The following CNTN1 variants were observed in gnomAD, a reference collection of about 807,000 sequenced individuals.
The protein encoded by CNTN1 is contactin-1.
A neutral mutation model predicts 126.4 loss-of-function variants in CNTN1; 38 were observed. The observed-to-expected ratio is 0.30, with a 90% CI of 0.23 to 0.39. The LOEUF is 0.39. Among genes scored for constraint, CNTN1 ranks in the 10% least tolerant of loss-of-function variants. The pLI is 1.00. For synonymous variants in CNTN1, 413 were observed against 422.6 expected, an observed-to-expected ratio of 0.98 and a Z score of 0.28; for missense variants, 1,009 against 1,248.4, an observed-to-expected ratio of 0.81 and a Z score of 2.89.
At chr12:40,981,166 T>C in intron 16 of CNTN1, 99 bp downstream of exon 16, 1 of 1,131,132 alleles carries the variant, frequency 8.8e-7, no homozygotes, top group Non-Finnish European at 1.3e-6. Flanking sequence ...ATTATCTACC[T>C]TGAAAGGCTT....
intron 1 of CNTN1, among the ~76,000 whole-genome samples, chr12:40,785,414 C>G (rs7315792): frequency 0.91 from 137,677 of 152,082 alleles, 62,450 homozygotes; most frequent in Middle Eastern, 0.95. Flanking sequence ...ACTGTCTCAC[C>G]TGTCTGTGTG....
chr12:40,857,247 C>G (rs1303958194), intron 1 of CNTN1, among the ~76,000 whole-genome samples: 1 of 152,062 alleles, frequency 6.6e-6, no homozygotes, highest in East Asian at 1.9e-4. Flanking sequence ...CAAATCTACA[C>G]AACTTTTCCA....
intron 1 of CNTN1, among the ~76,000 whole-genome samples, chr12:40,740,601 C>G (rs1937900283): frequency 6.6e-6 from 1 of 152,130 alleles, no homozygotes; most frequent in Non-Finnish European, 1.5e-5. Flanking sequence ...AGCCTCATCT[C>G]TAGCACTGAA....
At chr12:40,718,245 T>C (rs1267731750) in intron 1 of CNTN1, among the ~76,000 whole-genome samples, 1 of 152,220 alleles carries the variant, frequency 6.6e-6, no homozygotes, top group Non-Finnish European at 1.5e-5. Context: ...TTTGGCTCAC[T>C]GCAACCTCCA....
At chr12:40,835,498 T>C (rs1333835619) in intron 1 of CNTN1, among the ~76,000 whole-genome samples, 2 of 152,138 alleles carry the variant, frequency 1.3e-5, no homozygotes, top group African/African-American at 2.4e-5. Flanking sequence ...TAAACTTATT[T>C]TTCTGGTACT....
chr12:40,945,243 A>G (rs1385235448), intron 14 of CNTN1, among the ~76,000 whole-genome samples: 1 of 152,092 alleles, frequency 6.6e-6, no homozygotes, highest in East Asian at 1.9e-4. Flanking sequence ...ACCATGTAAT[A>G]TATTTTCCTT....
intron 1 of CNTN1, among the ~76,000 whole-genome samples, chr12:40,806,505 C>T (rs1018767757): frequency 6.6e-6 from 1 of 152,138 alleles, no homozygotes; most frequent in African/African-American, 2.4e-5. Flanking sequence ...CATGGCATCA[C>T]ATGTCTATTC....
chr12:40,722,861 A>C (rs948903697), intron 1 of CNTN1, among the ~76,000 whole-genome samples: 1 of 152,186 alleles, frequency 6.6e-6, no homozygotes, highest in Non-Finnish European at 1.5e-5. Context: ...TATATAAGGC[A>C]GTAAAATTTT....
intron 1 of CNTN1, among the ~76,000 whole-genome samples, chr12:40,852,256 C>T (rs1394115227): frequency 6.6e-6 from 1 of 152,068 alleles, no homozygotes; most frequent in East Asian, 1.9e-4. Flanking sequence ...TCAAATTAAC[C>T]CCTCGGTTTC....
chr12:40,917,632 G>A (rs1045119466), intron 3 of CNTN1, among the ~76,000 whole-genome samples: 2 of 152,100 alleles, frequency 1.3e-5, no homozygotes, highest in African/African-American at 2.4e-5. Flanking sequence ...CTTAGATTGG[G>A]CAGAGACATT....
rs201534221 is a variant in CNTN1 at position 40,936,894 on chromosome 12, A to G, written c.1099A>G (p.Asn367Asp). 4.5e-5 allele frequency: 72 copies of G among 1,613,004 alleles called. No homozygotes were observed. The highest frequency in any genetic ancestry group is 3.2e-5 in the Non-Finnish European group (38 of 1,179,296). Residue 367 changes from asparagine to aspartate, a missense_variant, in exon 10 of 24, where the codon AAT becomes GAT. By Grantham distance (23) the Asn-to-Asp change is conservative. Transcript: ENST00000551295. ...KPIPTIRWLK[N>D]GYAYHKGELR... ...CATCCCTACAATCCGATGGTTGAAA[A>G]ATGGATATGCGGTATGTATGTTCAA...
chr12:41,006,541 A>T (rs35143604), intron 17 of CNTN1, among the ~76,000 whole-genome samples: 1 of 152,192 alleles, frequency 6.6e-6, no homozygotes, highest in Non-Finnish European at 1.5e-5. Context: ...TTCTGCATAT[A>T]GTTTTATTTG....
intron 16 of CNTN1, among the ~76,000 whole-genome samples, chr12:40,983,826 TTA>T (rs1947881125): frequency 6.8e-6 from 1 of 147,292 alleles, no homozygotes; most frequent in African/African-American, 2.5e-5. Flanking sequence ...TAATATTTTG[TTA>T]TATATGCTAT....
At position 41,060,001 on chromosome 12, in the gene CNTN1, G is replaced by T. The variant is rs184146253; in HGVS notation, c.2981-9958G>T. On this transcript the variant is annotated intron_variant, in intron 23 of 23. Coordinates refer to ENST00000551295, the MANE Select transcript of CNTN1 (RefSeq NM_001843.4). Reference sequence around the variant, plus strand: ...TGATCGCATCTTTGCACTCACTCAGGCAACTGAGTGAGTTTGTCGGAAAAA... The same window carrying T: ...TGATCGCATCTTTGCACTCACTCAGTCAACTGAGTGAGTTTGTCGGAAAAA... 6.3e-4 allele frequency among the ~76,000 whole-genome samples: 96 copies of T among 152,130 alleles called. 1 individual carries two copies. Among genetic ancestry groups the T allele is most frequent in the Non-Finnish European group, 1.0e-3 (69 of 68,008 alleles).
intron 17 of CNTN1, among the ~76,000 whole-genome samples, chr12:41,002,554 C>CTTTTT (rs200237008): frequency 3.0e-5 from 4 of 131,502 alleles, no homozygotes; most frequent in African/African-American, 3.1e-5. Context: ...TATAGGGTTT[C>CTTTTT]TTTCTTTTTT....
chr12:40,830,308 T>G (rs1010237456), intron 1 of CNTN1, among the ~76,000 whole-genome samples: 1 of 152,148 alleles, frequency 6.6e-6, no homozygotes, highest in East Asian at 1.9e-4. Flanking sequence ...GATGAGAATT[T>G]TTAAATATCT....
intron 1 of CNTN1, among the ~76,000 whole-genome samples, chr12:40,732,605 G>T (rs1157232636): frequency 6.6e-6 from 1 of 151,950 alleles, no homozygotes; most frequent in Non-Finnish European, 1.5e-5. Flanking sequence ...AACTGTGATG[G>T]TCTTTAATGT....
At chr12:40,848,158 G>T (rs892448682) in intron 1 of CNTN1, among the ~76,000 whole-genome samples, 2 of 152,058 alleles carry the variant, frequency 1.3e-5, no homozygotes, top group African/African-American at 2.4e-5. Context: ...ATTTTTTCTA[G>T]GAATAGTCAG....
chr12:41,043,785 G>A (rs1014314278), intron 23 of CNTN1, among the ~76,000 whole-genome samples: 1 of 151,424 alleles, frequency 6.6e-6, no homozygotes, highest in African/African-American at 2.4e-5. Flanking sequence ...TTAAGAAAAT[G>A]TGGCACATAT....
Sources: gnomAD v4.1 joint callset for allele counts (sites outside exome capture counted in the v4.1 genomes callset) on GRCh38, gnomAD v4.1.1 for gene constraint, MANE v1.5 for transcripts, NCBI Gene and HGNC (gene_info 2026-07-23, HGNC 2026-07-21) for gene names.